EPHA6: variants seen among roughly 807,000 people sequenced by gnomAD.
EPHA6 encodes ephrin type-A receptor 6.
EPHA6 carries 50 observed loss-of-function variants against 112.0 expected under a neutral mutation model. The observed-to-expected ratio is 0.45, with a 90% CI of 0.36 to 0.56. The LOEUF (loss-of-function observed/expected upper bound fraction) is 0.56. EPHA6 is among the 20% of genes least tolerant of loss of function. The probability of loss-of-function intolerance (pLI) is 0.00; values close to 1 mark genes in which losing one functional copy is unlikely to be tolerated. For missense variants in EPHA6, 1,280 were observed against 1,417.4 expected (o/e 0.90, Z 1.56); for synonymous variants, 529 against 490.7 (o/e 1.08, Z -1.03).
intron 11 of EPHA6, among the ~76,000 whole-genome samples, chr3:97,586,410 C>G (rs1199414388): frequency 2.0e-5 from 3 of 152,098 alleles, no homozygotes; most frequent in African/African-American, 7.2e-5. Context: ...TCACTGGTGA[C>G]ATAAACTTAT....
intron 14 of EPHA6, among the ~76,000 whole-genome samples, chr3:97,674,595 A>G (rs1295983742): frequency 6.6e-6 from 1 of 152,200 alleles, no homozygotes; most frequent in Non-Finnish European, 1.5e-5. Context: ...AATCAGGACA[A>G]TTCAATTACT....
chr3:97,603,961 G>A (rs1456762687), intron 12 of EPHA6, among the ~76,000 whole-genome samples: 1 of 151,688 alleles, frequency 6.6e-6, no homozygotes, highest in African/African-American at 2.4e-5. Flanking sequence ...TCAACATCTA[G>A]TCAGTAAGGT....
chr3:97,199,408 G>A (rs2077522152), intron 3 of EPHA6, among the ~76,000 whole-genome samples: 1 of 152,082 alleles, frequency 6.6e-6, no homozygotes, highest in Non-Finnish European at 1.5e-5. Flanking sequence ...GGGAGCACTG[G>A]AGAACTACCC....
intron 3 of EPHA6, among the ~76,000 whole-genome samples, chr3:97,022,917 T>A (rs9877851): frequency 6.6e-5 from 10 of 151,984 alleles, no homozygotes; most frequent in Non-Finnish European, 1.5e-4. Flanking sequence ...ACAGCAGCAT[T>A]ATTTACATCC....
At chr3:96,985,000 G>A (rs561326861) in intron 2 of EPHA6, among the ~76,000 whole-genome samples, 2 of 152,302 alleles carry the variant, frequency 1.3e-5, no homozygotes, top group African/African-American at 4.8e-5. Flanking sequence ...GCGCTTCCTG[G>A]GTGAGGCGAT....
At chr3:97,379,833 T>A (rs762812793) in intron 5 of EPHA6, among the ~76,000 whole-genome samples, 2 of 151,324 alleles carry the variant, frequency 1.3e-5, no homozygotes, top group Non-Finnish European at 2.9e-5. Context: ...AAAAACTTTA[T>A]GCTTTTTGGA....
rs140768004 is a variant in EPHA6 at position 97,106,078 on chromosome 3, C to A, written c.1114+118085C>A. Among the ~76,000 whole-genome samples, 757 of 152,016 alleles carry A rather than the reference C, an allele frequency of 5.0e-3. 3 individuals carry two copies. The highest frequency in any genetic ancestry group is 0.017 in the African/African-American group (704 of 41,508). On this transcript the variant is annotated intron_variant, in intron 3 of 17. Coordinates refer to ENST00000389672, the MANE Select transcript of EPHA6 (RefSeq NM_001080448.3). Reference sequence around the variant, plus strand: ...AGATGGGTCTTTTGAACACAGGATACCATTGGGAACTAGGATTTTACTAAA... The same window carrying A: ...AGATGGGTCTTTTGAACACAGGATAACATTGGGAACTAGGATTTTACTAAA...
intron 3 of EPHA6, among the ~76,000 whole-genome samples, chr3:97,187,498 G>A (rs1400383373): frequency 1.3e-5 from 2 of 151,550 alleles, no homozygotes; most frequent in Non-Finnish European, 2.9e-5. Context: ...TGAGCCCAGG[G>A]GGGCAGAGGT....
intron 2 of EPHA6, among the ~76,000 whole-genome samples, chr3:96,958,950 A>G (rs991583648): frequency 5.3e-5 from 8 of 152,226 alleles, no homozygotes; most frequent in Non-Finnish European, 1.2e-4. Context: ...TTTTTCTAGT[A>G]TGAGTAATGC....
chr3:97,413,921 G>A lies in EPHA6; in HGVS notation c.1731+8647G>A, dbSNP rs1483399911. Reference sequence around the variant, plus strand: ...CCTTGATAACTGGCCTTACCAAAGAGTTGACCGAGTCATATTCCCTGGAGA... The same window carrying A: ...CCTTGATAACTGGCCTTACCAAAGAATTGACCGAGTCATATTCCCTGGAGA... On this transcript the variant is annotated intron_variant, in intron 6 of 17. Coordinates refer to ENST00000389672, the MANE Select transcript of EPHA6 (RefSeq NM_001080448.3). 7.9e-5 allele frequency among the ~76,000 whole-genome samples: 12 copies of A among 151,716 alleles called. No individual in the cohort carries two copies. In the Admixed American group the frequency reaches 7.9e-4, roughly 10 times the overall value.
At chr3:97,498,250 C>T (rs1024958594) in intron 10 of EPHA6, among the ~76,000 whole-genome samples, 15 of 151,400 alleles carry the variant, frequency 9.9e-5, no homozygotes, top group Non-Finnish European at 1.0e-4. Context: ...TAGAGCTCTG[C>T]CTAGTGAGAA....
chr3:96,968,388 G>GCACACACACA lies in EPHA6; in HGVS notation c.451-18923_451-18914dup, dbSNP rs148279577. On this transcript the variant is annotated intron_variant, in intron 2 of 17. Transcript: ENST00000389672. ...AACTACCATAGAGAAAATGGTAAAA[G>GCACACACACA]CACACACACACACACACACACACAC... is the stretch of plus-strand genomic sequence containing the variant. Among the ~76,000 whole-genome samples, 4 of 143,504 alleles carry GCACACACACA rather than the reference G, an allele frequency of 2.8e-5. No homozygotes were observed. The Admixed American group carries it at 2.8e-4, about 10-fold the overall frequency. 94.1% of individuals were successfully genotyped at this position (143,504 alleles called of 152,430 possible).
At chr3:97,501,415 C>T (rs2092113999) in intron 10 of EPHA6, among the ~76,000 whole-genome samples, 1 of 151,756 alleles carries the variant, frequency 6.6e-6, no homozygotes, top group Non-Finnish European at 1.5e-5. Context: ...TGTTCCAGGT[C>T]ATAAAGAAAT....
chr3:97,024,628 A>G (rs2044571860), intron 3 of EPHA6, among the ~76,000 whole-genome samples: 1 of 152,240 alleles, frequency 6.6e-6, no homozygotes, highest in South Asian at 2.1e-4. Flanking sequence ...TTCAAAATCA[A>G]GAAATCAAGA....
At chr3:97,125,376 C>T (rs1170201250) in intron 3 of EPHA6, among the ~76,000 whole-genome samples, 3 of 152,058 alleles carry the variant, frequency 2.0e-5, no homozygotes, top group Non-Finnish European at 4.4e-5. Context: ...TTATTTTTTT[C>T]CAGTTATGCT....
chr3:97,303,198 A>G (rs1475460243), intron 5 of EPHA6, among the ~76,000 whole-genome samples: 1 of 151,956 alleles, frequency 6.6e-6, no homozygotes, highest in African/African-American at 2.4e-5. Context: ...GATACATATT[A>G]TAAATATAGA....
chr3:96,986,135 G>C, intron 2 of EPHA6, among the ~76,000 whole-genome samples: 1 of 152,126 alleles, frequency 6.6e-6, no homozygotes, highest in South Asian at 2.1e-4. Context: ...AAATAAAATG[G>C]AGTTATAATC....
intron 11 of EPHA6, among the ~76,000 whole-genome samples, chr3:97,555,345 T>A (rs1469401781): frequency 1.3e-5 from 2 of 152,054 alleles, no homozygotes; most frequent in Admixed American, 1.3e-4. Flanking sequence ...GACATTTGGG[T>A]TGGTTCTAAG....
chr3:97,321,294 A>G (rs931877910), intron 5 of EPHA6, among the ~76,000 whole-genome samples: 4 of 151,908 alleles, frequency 2.6e-5, no homozygotes, highest in African/African-American at 9.7e-5. Context: ...TTTAGATGCC[A>G]ATAATTCTTT....
Sources: gnomAD v4.1 joint callset for allele counts (sites outside exome capture counted in the v4.1 genomes callset) on GRCh38, gnomAD v4.1.1 for gene constraint, MANE v1.5 for transcripts, NCBI Gene and HGNC (gene_info 2026-07-23, HGNC 2026-07-21) for gene names.